CNIH4: variants seen among roughly 807,000 people sequenced by gnomAD.
CNIH4 encodes protein cornichon homolog 4.
A neutral mutation model predicts 21.5 loss-of-function variants in CNIH4; 9 were observed. The ratio of observed to expected loss-of-function variants is 0.42; its 90% CI spans 0.25 to 0.73. CNIH4 has a LOEUF of 0.73. Ranked by LOEUF, CNIH4 falls within the 30% of genes least tolerant of loss-of-function variation. The pLI is 0.27. For synonymous variants in CNIH4, 67 were observed against 59.1 expected (o/e 1.13, Z -0.61); for missense variants, 159 against 170.0 (o/e 0.94, Z 0.36).
intron 4 of CNIH4, among the ~76,000 whole-genome samples, chr1:224,371,670 C>T (rs749203155): frequency 2.6e-5 from 4 of 152,164 alleles, no homozygotes; most frequent in Non-Finnish European, 4.4e-5. Context: ...AAACAGGGCA[C>T]GGTGACTTAC....
intron 4 of CNIH4, 91 bp from the exon 5 acceptor site, chr1:224,375,704 G>A (rs1672762331): frequency 1.5e-6 from 2 of 1,372,962 alleles, no homozygotes; most frequent in Admixed American, 3.7e-5. Context: ...TTGTTCCTTT[G>A]TGAACCTTAG....
Position 224,379,141 on chromosome 1 carries a change from C to G in CNIH4, c.*3319C>G. On this transcript the variant is annotated 3_prime_UTR_variant, in exon 5 of 5. Transcript: ENST00000465271. ...AGAGGAAGCGAAATCCAAGATGCAGCTCAGTTCATCAAAGCCTAGCAGGTC... is the reference window on the plus strand; with the variant it reads ...AGAGGAAGCGAAATCCAAGATGCAGGTCAGTTCATCAAAGCCTAGCAGGTC... The G allele has an allele frequency of 1.3e-6, 2 of 1,544,880 alleles. No homozygotes were observed. The highest frequency in any genetic ancestry group is 8.8e-7 in the Non-Finnish European group (1 of 1,141,822).
At chr1:224,371,042 A>G (rs1015202993) in intron 3 of CNIH4, among the ~76,000 whole-genome samples, 1 of 151,932 alleles carries the variant, frequency 6.6e-6, no homozygotes, top group Non-Finnish European at 1.5e-5. Context: ...ATGCCCAGCT[A>G]ATTTTTGTAT....
rs1306817741 is a variant in CNIH4, at chr1:224,378,326, G to A, written c.*2504G>A. 6.6e-6 allele frequency: 1 copy of A among 152,266 alleles called. No homozygotes were observed. The highest frequency in any genetic ancestry group is 1.5e-5 in the Non-Finnish European group (1 of 68,098). The allele number at this position is 152,266 out of a possible 1,614,324, so 9.4% of individuals were successfully genotyped here. A position where few individuals can be genotyped will look rare whatever the true frequency, so the allele number is the denominator to read the frequency against. On this transcript the variant is annotated 3_prime_UTR_variant, in exon 5 of 5. Coordinates refer to ENST00000465271, the MANE Select transcript of CNIH4 (RefSeq NM_014184.4). ...CCTCCCAGATGTTGGGATTACTGGT[G>A]TGAGCCACCACGCCCAGCTCAAAAA...
intron 3 of CNIH4, among the ~76,000 whole-genome samples, chr1:224,370,542 A>C (rs1672592850): frequency 6.6e-6 from 1 of 152,180 alleles, no homozygotes; most frequent in African/African-American, 2.4e-5. Context: ...AAATTCATTG[A>C]TCCTCTCAAA....
chr1:224,360,502 C>T lies in CNIH4; in HGVS notation c.77C>T (p.Thr26Ile), dbSNP rs1247011037. The change falls in exon 2 of 5, where the codon ACA becomes ATA. Residue 26 changes from threonine (T) to isoleucine (I), a missense_variant. Physicochemically the swap from Thr to Ile is moderately conservative, Grantham distance 89 (BLOSUM62 -1). Coordinates refer to ENST00000465271, the MANE Select transcript of CNIH4 (RefSeq NM_014184.4). Reference protein sequence around the residue: ...LIFLSVYFIITLSDLECDYIN... With the variant: ...LIFLSVYFIIILSDLECDYIN... ...CCTTATCTTGATCATCAGATAATTACATTGTCTGATTTAGAATGTGATTAC... is the reference window on the plus strand; with the variant it reads ...CCTTATCTTGATCATCAGATAATTATATTGTCTGATTTAGAATGTGATTAC... 2 of 1,394,456 alleles carry T rather than the reference C, an allele frequency of 1.4e-6. No homozygotes were observed. The highest frequency in any genetic ancestry group is 2.9e-5 in the South Asian group (2 of 69,726). 86.4% of individuals were successfully genotyped at this position (1,394,456 alleles called of 1,614,324 possible). A position where few individuals can be genotyped will look rare whatever the true frequency, so the allele number is the denominator to read the frequency against.
In CNIH4 at chr1:224,379,215, C is replaced by A; in HGVS notation, c.*3393C>A. 1.0e-6 allele frequency: 1 copy of A among 953,914 alleles called. No individual in the cohort carries two copies. The highest frequency in any genetic ancestry group is 1.6e-6 in the Non-Finnish European group (1 of 612,992). The allele number at this position is 953,914 out of a possible 1,614,324, so 59.1% of individuals were successfully genotyped here. ...GCCACAGACTACAGTAGGACAAAAC[C>A]TGACCTGGTCTTTGAAGTTAAGAGC... On this transcript the variant is annotated 3_prime_UTR_variant, in exon 5 of 5. Coordinates refer to ENST00000465271, the MANE Select transcript of CNIH4 (RefSeq NM_014184.4).
chr1:224,369,949 C>G (rs1195823854), intron 3 of CNIH4, among the ~76,000 whole-genome samples: 2 of 152,206 alleles, frequency 1.3e-5, no homozygotes, highest in East Asian at 3.9e-4. Flanking sequence ...GCTGGGATTA[C>G]AGGTGTGAGC....
At chr1:224,360,254 A>G (rs907110218) in intron 1 of CNIH4, among the ~76,000 whole-genome samples, 1 of 151,806 alleles carries the variant, frequency 6.6e-6, no homozygotes, top group Non-Finnish European at 1.5e-5. Context: ...CATTTGAAGA[A>G]CTCAAACTAA....
At chr1:224,357,852 C>T (rs899987273) in intron 1 of CNIH4, among the ~76,000 whole-genome samples, 66 of 152,210 alleles carry the variant, frequency 4.3e-4, no homozygotes, top group African/African-American at 1.5e-3. Flanking sequence ...GGCTACAACT[C>T]TTCCCATCTC....
chr1:224,358,159 T>C (rs1483974809), intron 1 of CNIH4, among the ~76,000 whole-genome samples: 2 of 152,212 alleles, frequency 1.3e-5, no homozygotes, highest in African/African-American at 4.8e-5. Context: ...GCTAGCTCTT[T>C]GCTTGCACAT....
At chr1:224,359,500 T>A (rs1672211714) in intron 1 of CNIH4, among the ~76,000 whole-genome samples, 1 of 152,192 alleles carries the variant, frequency 6.6e-6, no homozygotes, top group Non-Finnish European at 1.5e-5. Flanking sequence ...GTGATACTTG[T>A]GTCAGTAACA....
At chr1:224,361,277 G>C (rs559700391) in intron 2 of CNIH4, among the ~76,000 whole-genome samples, 2 of 152,012 alleles carry the variant, frequency 1.3e-5, no homozygotes, top group East Asian at 3.9e-4. Flanking sequence ...ACCACACCTG[G>C]CTAATTTTTT....
In CNIH4 at chr1:224,373,752, C is replaced by T. The variant is rs184187304; in HGVS notation, c.393-2043C>T. ...CTGAGGCAGGAGAATCGCTTGAACC[C>T]GGGAGGTGGAGGTTGCGGTGAGCCG... On this transcript the variant is annotated intron_variant, in intron 4 of 4. Transcript: ENST00000465271. 6.0e-3 allele frequency among the ~76,000 whole-genome samples: 905 copies of T among 151,624 alleles called. 4 individuals are homozygous for T. The highest frequency in any genetic ancestry group is 9.4e-3 in the Non-Finnish European group (639 of 67,940).
chr1:224,369,158 T>C (rs1672551874), intron 3 of CNIH4, among the ~76,000 whole-genome samples: 2 of 152,218 alleles, frequency 1.3e-5, no homozygotes, highest in African/African-American at 4.8e-5. Flanking sequence ...GTATGCTGAA[T>C]GGTCTATTAT....
At chr1:224,359,578 C>T (rs1330078614) in intron 1 of CNIH4, among the ~76,000 whole-genome samples, 1 of 152,078 alleles carries the variant, frequency 6.6e-6, no homozygotes, top group Admixed American at 6.6e-5. Context: ...ATTTTATTTT[C>T]ATGTTTATTT....
chr1:224,369,439 G>C (rs1672559899), intron 3 of CNIH4, among the ~76,000 whole-genome samples: 2 of 152,018 alleles, frequency 1.3e-5, no homozygotes, highest in South Asian at 4.1e-4. Flanking sequence ...TGGGCATGGT[G>C]GTGTTGGGCA....
chr1:224,361,057 T>C (rs1672272443), intron 2 of CNIH4, among the ~76,000 whole-genome samples: 2 of 151,990 alleles, frequency 1.3e-5, no homozygotes, highest in East Asian at 3.8e-4. Flanking sequence ...GCTCAAGTGA[T>C]CTGCCTCGGC....
At chr1:224,360,277 G>A (rs911943480) in intron 1 of CNIH4, among the ~76,000 whole-genome samples, 31 of 151,772 alleles carry the variant, frequency 2.0e-4, no homozygotes, top group Non-Finnish European at 4.3e-4. Context: ...GTTCTGGTTG[G>A]GTCAGATTAG....
Sources: allele counts gnomAD v4.1 joint callset (sites outside exome capture counted in the v4.1 genomes callset), GRCh38; gene constraint gnomAD v4.1.1; transcripts MANE v1.5; gene names NCBI Gene and HGNC (gene_info 2026-07-23, HGNC 2026-07-21).